Variants in PRMT8 observed in about 807,000 individuals in gnomAD.
PRMT8 encodes the protein protein arginine methyltransferase 8.
A neutral mutation model predicts 47.1 loss-of-function variants in PRMT8; 7 were observed. The ratio of observed to expected loss-of-function variants is 0.15; its 90% CI spans 0.08 to 0.28. PRMT8 has a LOEUF of 0.28. Ranked by LOEUF, PRMT8 falls within the 10% of genes least tolerant of loss-of-function variation. The probability of loss-of-function intolerance (pLI) is 1.00; values close to 1 mark genes in which losing one functional copy is unlikely to be tolerated. For missense variants in PRMT8, 237 were observed against 505.4 expected, an observed-to-expected ratio of 0.47 and a Z score of 5.09; for synonymous variants, 188 against 186.5, an observed-to-expected ratio of 1.01 and a Z score of -0.07.
chr12:3,518,342 C>A (rs1865828304), intron 1 of PRMT8, among the ~76,000 whole-genome samples: 1 of 150,716 alleles, frequency 6.6e-6, no homozygotes, highest in African/African-American at 2.4e-5. Flanking sequence ...CTCTATGGGA[C>A]AGGGAAGAGT....
chr12:3,569,542 G>C lies in PRMT8; in HGVS notation c.690G>C (p.Gln230His). 6.2e-7 allele frequency: 1 copy of C among 1,614,138 alleles called. No individual in the cohort carries two copies. Among genetic ancestry groups the C allele is most frequent in the East Asian group, 2.2e-5 (1 of 44,884 alleles). Residue 230 changes from glutamine (Q) to histidine (H), a missense_variant, in exon 6 of 10, where the codon CAG (glutamine) becomes CAC (histidine). By Grantham distance (24) the Gln-to-His change is conservative. Coordinates refer to ENST00000382622, the MANE Select transcript of PRMT8 (RefSeq NM_019854.5). This position sits in a 1 kb window ranked among gnomAD's most constrained non-coding sequence, Gnocchi z 8.2. ...ACGTGGTAGCGATTGAAGACAGACAGTACAAGGACTTCAAAATCCACTGTA... is the reference window on the plus strand; with the variant it reads ...ACGTGGTAGCGATTGAAGACAGACACTACAAGGACTTCAAAATCCACTGTA... ...ALYVVAIEDR[Q>H]YKDFKIHWWE...
chr12:3,451,633 G>T (rs766155366), intron 1 of PRMT8, among the ~76,000 whole-genome samples: 1 of 152,098 alleles, frequency 6.6e-6, no homozygotes, highest in East Asian at 1.9e-4. Flanking sequence ...CTGTGCTTTC[G>T]TGCTCCAACA....
chr12:3,586,569 A>C (rs1867178838), intron 8 of PRMT8, among the ~76,000 whole-genome samples: 1 of 152,230 alleles, frequency 6.6e-6, no homozygotes, highest in East Asian at 1.9e-4. Context: ...CTGGACGGGT[A>C]ACACCAGTAT....
intron 1 of PRMT8, among the ~76,000 whole-genome samples, chr12:3,454,887 T>C (rs530131060): frequency 3.3e-5 from 5 of 152,284 alleles, no homozygotes; most frequent in African/African-American, 9.6e-5. Flanking sequence ...TTTGAGATAG[T>C]CCTTCAGGTC....
chr12:3,568,688 G>A lies in PRMT8; in HGVS notation c.482-18G>A. On this transcript the variant is annotated intron_variant, in intron 4 of 9. Coordinates refer to ENST00000382622, the MANE Select transcript of PRMT8 (RefSeq NM_019854.5). ...TGGGGTCCCTGCAAAGTATGGCCCT[G>A]GGGTTCTTATTTTCCAGTCATCACC... 1.9e-6 allele frequency: 3 copies of A among 1,612,592 alleles called. No homozygotes were observed. The highest frequency in any genetic ancestry group is 2.5e-6 in the Non-Finnish European group (3 of 1,179,100).
chr12:3,409,406 C>T lies in PRMT8; in HGVS notation c.48+27964C>T, dbSNP rs1274415740. On this transcript the variant is annotated intron_variant, in intron 1 of 9. Coordinates refer to the PRMT8 transcript ENST00000452611. The surrounding 1 kb of genome is among the most constrained non-coding windows in gnomAD (Gnocchi z 4.4). The stretch of plus-strand genomic sequence containing the variant: ...AATAAGGCACCACGTAGTGGTGTCT[C>T]TAGACCTTGGGATGGTGGGACATGC... 6.6e-6 allele frequency among the ~76,000 whole-genome samples: 1 copy of T among 152,166 alleles called. No individual in the cohort carries two copies. The highest frequency in any genetic ancestry group is 2.4e-5 in the African/African-American group (1 of 41,442).
chr12:3,571,677 T>G (rs1307141983), intron 6 of PRMT8, among the ~76,000 whole-genome samples: 1 of 152,034 alleles, frequency 6.6e-6, no homozygotes, highest in Non-Finnish European at 1.5e-5. Flanking sequence ...TTCTAGAGTC[T>G]CTGAAAAATA....
chr12:3,487,362 A>G (rs1865332613), upstream of PRMT8, among the ~76,000 whole-genome samples: 1 of 152,180 alleles, frequency 6.6e-6, no homozygotes, highest in Non-Finnish European at 1.5e-5. Flanking sequence ...CGCAGTTAAA[A>G]TGCTGCTTCC....
intron 1 of PRMT8, among the ~76,000 whole-genome samples, chr12:3,458,206 G>A (rs1864997395): frequency 6.6e-6 from 1 of 152,204 alleles, no homozygotes; most frequent in Non-Finnish European, 1.5e-5. Flanking sequence ...CTGGGGCGTG[G>A]CGCTCTGTGA....
intron 1 of PRMT8, among the ~76,000 whole-genome samples, chr12:3,451,128 T>C (rs1398094937): frequency 1.4e-5 from 2 of 144,960 alleles, no homozygotes; most frequent in African/African-American, 2.6e-5. Flanking sequence ...TTTACTTTGA[T>C]GGTGAACTAA....
chr12:3,583,681 C>T lies in PRMT8; in HGVS notation c.979+473C>T, dbSNP rs528995718. Among the ~76,000 whole-genome samples the T allele has an allele frequency of 2.0e-5, 3 of 152,328 alleles. No individual in the cohort carries two copies. Among genetic ancestry groups the T allele is most frequent in the African/African-American group, 7.2e-5 (3 of 41,562 alleles). On this transcript the variant is annotated intron_variant, in intron 8 of 9. Transcript: ENST00000382622. The surrounding 1 kb of genome is among the most constrained non-coding windows in gnomAD (Gnocchi z 4.7). ...CACACCAACCCATCCTTCATTAAAT[C>T]TCTGTTGGTGTTCCCCCAAGATCAC...
At chr12:3,412,778 A>G (rs1864444599) in intron 1 of PRMT8, among the ~76,000 whole-genome samples, 1 of 152,122 alleles carries the variant, frequency 6.6e-6, no homozygotes, top group Non-Finnish European at 1.5e-5. Context: ...TCCCTTATAC[A>G]AGATTTTTGT....
chr12:3,460,532 G>A (rs1283102906), intron 1 of PRMT8, among the ~76,000 whole-genome samples: 2 of 152,208 alleles, frequency 1.3e-5, no homozygotes, highest in East Asian at 3.8e-4. Flanking sequence ...GATGAAGTTG[G>A]AGGTTTGCGG....
At chr12:3,387,970 C>T (rs909546244) in intron 1 of PRMT8, among the ~76,000 whole-genome samples, 3 of 152,110 alleles carry the variant, frequency 2.0e-5, no homozygotes, top group African/African-American at 7.2e-5. Context: ...ATTTCATTAT[C>T]TATTACATAA....
Position 3,570,252 on chromosome 12 carries a change from GA to G in PRMT8, c.712+692del, listed in dbSNP as rs1866821637. Among the ~76,000 whole-genome samples the G allele has an allele frequency of 6.6e-6, 1 of 152,166 alleles. No homozygotes were observed. The highest frequency in any genetic ancestry group is 1.5e-5 in the Non-Finnish European group (1 of 68,022). Reference sequence around the variant, plus strand: ...TCCCCCGCAATGTTTTACCTGGTCTGAAAAGGGCTGTTATCCTATTTCTCGT... The same window carrying G: ...TCCCCCGCAATGTTTTACCTGGTCTGAAAGGGCTGTTATCCTATTTCTCGT... On this transcript the variant is annotated intron_variant, in intron 6 of 9. Coordinates refer to ENST00000382622, the MANE Select transcript of PRMT8 (RefSeq NM_019854.5). This position sits in a 1 kb window ranked among gnomAD's most constrained non-coding sequence, Gnocchi z 5.5.
chr12:3,492,122 C>G lies in PRMT8; in HGVS notation c.75+422C>G, dbSNP rs1865424839. Among the ~76,000 whole-genome samples the G allele has an allele frequency of 6.6e-6, 1 of 151,916 alleles. No individual in the cohort carries two copies. The highest frequency in any genetic ancestry group is 6.6e-5 in the Admixed American group (1 of 15,264). ...TGGGTAATCCTGGGGCCAGGTCTGCCCCCTGCAGTGCCTTGACCGTCTCCT... is the reference window on the plus strand; with the variant it reads ...TGGGTAATCCTGGGGCCAGGTCTGCGCCCTGCAGTGCCTTGACCGTCTCCT... On this transcript the variant is annotated intron_variant, in intron 1 of 9. Transcript: ENST00000382622. This position sits in a 1 kb window ranked among gnomAD's most constrained non-coding sequence, Gnocchi z 7.5.
At position 3,409,856 on chromosome 12, in the gene PRMT8, G is replaced by A. The variant is rs1864408791; in HGVS notation, c.48+28414G>A. Among the ~76,000 whole-genome samples the A allele has an allele frequency of 6.6e-6, 1 of 152,122 alleles. No homozygotes were observed. Among genetic ancestry groups the A allele is most frequent in the Admixed American group, 6.5e-5 (1 of 15,272 alleles). ...TGCCTCATCAGCTTCAGCACCAGGG[G>A]GTGTGATTGTTCTGGGTAGCCAAGT... On this transcript the variant is annotated intron_variant, in intron 1 of 9. Transcript: ENST00000452611. This position sits in a 1 kb window ranked among gnomAD's most constrained non-coding sequence, Gnocchi z 4.4.
At chr12:3,482,877 A>G (rs1865288112) in intron 1 of PRMT8, among the ~76,000 whole-genome samples, 1 of 152,178 alleles carries the variant, frequency 6.6e-6, no homozygotes, top group South Asian at 2.1e-4. Context: ...TCTCTCGGCA[A>G]ATGGGAATTT....
chr12:3,430,488 T>G (rs1303856425), intron 1 of PRMT8, among the ~76,000 whole-genome samples: 1 of 152,186 alleles, frequency 6.6e-6, no homozygotes, highest in Non-Finnish European at 1.5e-5. Flanking sequence ...ATGAAGACAA[T>G]ATTGATTTCA....
Sources: allele counts gnomAD v4.1 joint callset (sites outside exome capture counted in the v4.1 genomes callset), GRCh38; gene constraint gnomAD v4.1.1; non-coding constraint Gnocchi (gnomAD v3.1); transcripts MANE v1.5; gene names NCBI Gene and HGNC (gene_info 2026-07-23, HGNC 2026-07-21).